Variants in FMN1 observed in about 807,000 individuals in gnomAD.
The protein encoded by FMN1 is formin 1.
Under a neutral mutation model 132.4 loss-of-function variants are expected in FMN1, and 110 were observed. The observed-to-expected ratio is 0.83, with a 90% CI of 0.71 to 0.97. The LOEUF (loss-of-function observed/expected upper bound fraction) is 0.97. Ranked by LOEUF, FMN1 falls within the 50% of genes least tolerant of loss-of-function variation. FMN1 has a pLI of 0.00. For synonymous variants in FMN1, 722 were observed against 651.7 expected (o/e 1.11, Z -1.64); for missense variants, 1,792 against 1,705.3 (o/e 1.05, Z -0.90).
At chr15:33,000,632 A>G (rs2034047339) in intron 7 of FMN1, among the ~76,000 whole-genome samples, 2 of 152,096 alleles carry the variant, frequency 1.3e-5, no homozygotes, top group African/African-American at 4.8e-5. Flanking sequence ...ACAAGATAAA[A>G]TAATAAATAA....
In FMN1 at chr15:32,908,597, C is replaced by G; in HGVS notation, c.3289-19G>C. 1 of 446,244 alleles carries G rather than the reference C, an allele frequency of 2.2e-6. No individual in the cohort carries two copies. The highest frequency in any genetic ancestry group is 5.7e-5 in the South Asian group (1 of 17,686). 27.6% of individuals were successfully genotyped at this position (446,244 alleles called of 1,614,324 possible). On this transcript the variant is annotated intron_variant, in intron 11 of 20. Coordinates refer to ENST00000616417, the MANE Select transcript of FMN1 (RefSeq NM_001277313.2). ...GGGCTCTCTGTATCAAAATAGAAAA[C>G]AAAACCAAAAAAAAAAAAAAAAAAA...
rs113884613 is a variant in FMN1 at position 32,953,468 on chromosome 15, T to C, written c.3138+10639A>G. ...CAGGTTTCCTTTGCTTTTATCACAG[T>C]TGGTGAGCTTTGTAAGGTCCGTGTT... On this transcript the variant is annotated intron_variant, in intron 9 of 20. Coordinates refer to ENST00000616417, the MANE Select transcript of FMN1 (RefSeq NM_001277313.2). Among the ~76,000 whole-genome samples the C allele has an allele frequency of 1.9e-3, 290 of 152,270 alleles. 1 individual carries two copies. Among genetic ancestry groups the C allele is most frequent in the African/African-American group, 6.9e-3 (285 of 41,566 alleles).
At chr15:33,123,106 C>T (rs1374390801) in intron 4 of FMN1, among the ~76,000 whole-genome samples, 3 of 150,922 alleles carry the variant, frequency 2.0e-5, no homozygotes, top group East Asian at 1.9e-4. Flanking sequence ...ATCTAGAATG[C>T]CTTTCTTTCA....
intron 6 of FMN1, among the ~76,000 whole-genome samples, chr15:33,062,283 G>A (rs963092293): frequency 3.9e-5 from 6 of 152,140 alleles, no homozygotes; most frequent in African/African-American, 1.2e-4. Flanking sequence ...AATACATCAT[G>A]TATAACTCAA....
chr15:32,930,185 C>A (rs1031354151), intron 9 of FMN1, among the ~76,000 whole-genome samples: 1 of 151,824 alleles, frequency 6.6e-6, no homozygotes, highest in Non-Finnish European at 1.5e-5. Context: ...GACGGGGTTT[C>A]ACCGTGTTAG....
intron 4 of FMN1, among the ~76,000 whole-genome samples, chr15:33,111,950 T>C (rs900188511): frequency 6.6e-6 from 1 of 152,186 alleles, no homozygotes; most frequent in African/African-American, 2.4e-5. Flanking sequence ...GTGTATTATA[T>C]CTTAATAAAG....
At chr15:32,808,321 A>G (rs1189943745) in intron 17 of FMN1, among the ~76,000 whole-genome samples, 1 of 152,208 alleles carries the variant, frequency 6.6e-6, no homozygotes, top group Non-Finnish European at 1.5e-5. Context: ...TCATGAGCCA[A>G]TCACAGTGTC....
intron 10 of FMN1, among the ~76,000 whole-genome samples, chr15:32,920,025 G>A (rs530643640): frequency 1.3e-5 from 2 of 152,096 alleles, no homozygotes; most frequent in Admixed American, 1.3e-4. Context: ...ACTAAATAAA[G>A]GATGTTTTAT....
intron 16 of FMN1, among the ~76,000 whole-genome samples, chr15:32,869,419 T>G (rs1328303967): frequency 1.3e-5 from 2 of 152,230 alleles, no homozygotes; most frequent in Admixed American, 1.3e-4. Context: ...GACTAGAGAT[T>G]TAATCAGAGT....
In FMN1 at chr15:32,906,634, A is replaced by G. The variant is rs570954736; in HGVS notation, c.3377+1856T>C. ...GCTTTGATATGCCCACTGTGCCCCAATACAACCAAATGGCCTTTTCAGTGT... is the reference window on the plus strand; with the variant it reads ...GCTTTGATATGCCCACTGTGCCCCAGTACAACCAAATGGCCTTTTCAGTGT... On this transcript the variant is annotated intron_variant, in intron 12 of 20. Transcript: ENST00000616417. Among the ~76,000 whole-genome samples, 5 of 152,352 alleles carry G rather than the reference A, an allele frequency of 3.3e-5. No individual in the cohort carries two copies. The East Asian group carries it at 9.6e-4, about 29-fold the overall frequency.
At chr15:32,910,416 A>G in intron 11 of FMN1, 58 bp downstream of exon 11, 5 of 1,348,924 alleles carry the variant, frequency 3.7e-6, no homozygotes, top group Non-Finnish European at 5.2e-6. Flanking sequence ...CAGCTCAGTC[A>G]TTTCTCAGGT....
At chr15:32,959,917 A>C (rs1217585124) in intron 9 of FMN1, among the ~76,000 whole-genome samples, 1 of 152,238 alleles carries the variant, frequency 6.6e-6, no homozygotes, top group South Asian at 2.1e-4. Context: ...ACGATCCTGC[A>C]TAAGAAAGCA....
chr15:33,116,329 T>G (rs1442488922), intron 4 of FMN1, among the ~76,000 whole-genome samples: 1 of 152,172 alleles, frequency 6.6e-6, no homozygotes, highest in Non-Finnish European at 1.5e-5. Flanking sequence ...GGACAAGCTT[T>G]GGAAAATCAC....
chr15:32,950,224 T>C (rs1259855687), intron 9 of FMN1, among the ~76,000 whole-genome samples: 3 of 150,858 alleles, frequency 2.0e-5, no homozygotes, highest in African/African-American at 7.3e-5. Context: ...AGGAATGCTT[T>C]TACACTGTTG....
intron 19 of FMN1, among the ~76,000 whole-genome samples, chr15:32,789,961 G>A (rs2057014500): frequency 1.3e-5 from 2 of 152,210 alleles, no homozygotes; most frequent in Admixed American, 1.3e-4. Flanking sequence ...CTAGGTTTGT[G>A]TAAGTACACT....
intron 9 of FMN1, among the ~76,000 whole-genome samples, chr15:32,938,272 T>C (rs935059931): frequency 2.0e-4 from 30 of 152,136 alleles, no homozygotes; most frequent in African/African-American, 7.2e-4. Flanking sequence ...CTCACACCTG[T>C]AATCCCAGCA....
rs921715434 is a variant in FMN1 at position 32,767,816 on chromosome 15, A to C, written c.*6494T>G. ...AAAACCTATTTGTGTCATTGCGAGC[A>C]AACAGAAGAATTGATACTAGACTTT... is the stretch of plus-strand genomic sequence containing the variant. On this transcript the variant is annotated 3_prime_UTR_variant, in exon 21 of 21. Transcript: ENST00000616417. 6.6e-6 allele frequency: 1 copy of C among 152,160 alleles called. No individual in the cohort carries two copies. 9.4% of individuals were successfully genotyped at this position (152,160 alleles called of 1,614,324 possible). A position where few individuals can be genotyped will look rare whatever the true frequency, so the allele number is the denominator to read the frequency against.
chr15:33,091,382 C>T (rs2141369762), intron 4 of FMN1, among the ~76,000 whole-genome samples: 1 of 152,304 alleles, frequency 6.6e-6, no homozygotes, highest in East Asian at 1.9e-4. Context: ...AATTCACTCT[C>T]TACGCAGAGC....
intron 16 of FMN1, among the ~76,000 whole-genome samples, chr15:32,872,505 T>C (rs1308850034): frequency 6.6e-6 from 1 of 152,252 alleles, no homozygotes; most frequent in Admixed American, 6.5e-5. Flanking sequence ...ATACTAAATA[T>C]GTCCTCTGAA....
Sources: gnomAD v4.1 joint callset for allele counts (sites outside exome capture counted in the v4.1 genomes callset) on GRCh38, gnomAD v4.1.1 for gene constraint, MANE v1.5 for transcripts, NCBI Gene and HGNC (gene_info 2026-07-23, HGNC 2026-07-21) for gene names.